The following DGKB variants were observed in gnomAD, a reference collection of about 807,000 sequenced individuals.
The protein encoded by DGKB is diacylglycerol kinase beta.
In DGKB, 67 loss-of-function variants were observed where a neutral mutation model predicts 114.3. The ratio of observed to expected loss-of-function variants is 0.59; its 90% CI spans 0.48 to 0.72. The LOEUF (loss-of-function observed/expected upper bound fraction) is 0.72, where lower values mean the gene tolerates loss of function less well. Ranked by LOEUF, DGKB falls within the 30% of genes least tolerant of loss-of-function variation. DGKB has a pLI of 0.00. For missense variants in DGKB, 907 were observed against 975.2 expected, an observed-to-expected ratio of 0.93 and a Z score of 0.93; for synonymous variants, 398 against 323.1, an observed-to-expected ratio of 1.23 and a Z score of -2.49.
At chr7:14,164,296 A>G (rs1369933809) in intron 25 of DGKB, among the ~76,000 whole-genome samples, 15 of 152,186 alleles carry the variant, frequency 9.9e-5, no homozygotes, top group Admixed American at 9.8e-4. Flanking sequence ...AAGATTCTTT[A>G]AAAACGGTGT....
chr7:14,647,251 T>C (rs1813226105), intron 13 of DGKB, among the ~76,000 whole-genome samples: 1 of 151,832 alleles, frequency 6.6e-6, no homozygotes, highest in South Asian at 2.1e-4. Context: ...CCTGCCAAAA[T>C]TGAACCAAGA....
At position 14,161,060 on chromosome 7, in the gene DGKB, A is replaced by G. The variant is rs190680837; in HGVS notation, c.2305-11822T>C. Among the ~76,000 whole-genome samples, 70 of 152,352 alleles carry G rather than the reference A, an allele frequency of 4.6e-4. No homozygotes were observed. The East Asian group carries it at 0.012, about 27-fold the overall frequency. ...TATGCAGCCAACACACATATGAGAA[A>G]AAGCTCATCATCACTGGTCATTAGA... On this transcript the variant is annotated intron_variant, in intron 25 of 25. Transcript: ENST00000402815.
At chr7:14,544,861 C>G (rs1440141107) in intron 20 of DGKB, among the ~76,000 whole-genome samples, 2 of 152,018 alleles carry the variant, frequency 1.3e-5, no homozygotes, top group African/African-American at 4.8e-5. Flanking sequence ...CTGTGTTTTT[C>G]CCCTGTAAGT....
chr7:14,741,450 G>A (rs1009956395), intron 4 of DGKB, among the ~76,000 whole-genome samples: 40 of 152,288 alleles, frequency 2.6e-4, no homozygotes, highest in Middle Eastern at 3.4e-3. Context: ...ATGGGATAAG[G>A]ACCTAGGACC....
intron 6 of DGKB, among the ~76,000 whole-genome samples, chr7:14,709,006 A>G (rs1826826175): frequency 1.3e-5 from 2 of 149,124 alleles, no homozygotes; most frequent in African/African-American, 5.0e-5. Context: ...AGCAAAAGAA[A>G]CTACCATCAG....
chr7:14,713,848 T>C (rs1388506713), intron 6 of DGKB, among the ~76,000 whole-genome samples: 1 of 152,008 alleles, frequency 6.6e-6, no homozygotes, highest in African/African-American at 2.4e-5. Flanking sequence ...TTTAAGGAAA[T>C]GTAAGATAAT....
intron 20 of DGKB, among the ~76,000 whole-genome samples, chr7:14,556,470 A>G (rs1795887653): frequency 6.6e-6 from 1 of 152,118 alleles, no homozygotes; most frequent in African/African-American, 2.4e-5. Flanking sequence ...GTTCACTTTT[A>G]AAAATTTGTT....
At chr7:14,559,294 C>T (rs1253801830) in intron 20 of DGKB, among the ~76,000 whole-genome samples, 1 of 152,160 alleles carries the variant, frequency 6.6e-6, no homozygotes, top group Non-Finnish European at 1.5e-5. Flanking sequence ...AAGAATCTCT[C>T]CCTATGCACT....
intron 1 of DGKB, among the ~76,000 whole-genome samples, chr7:14,941,458 T>C (rs1163706271): frequency 6.6e-6 from 1 of 152,110 alleles, no homozygotes; most frequent in Non-Finnish European, 1.5e-5. Flanking sequence ...TTAAGATTGT[T>C]ATCCTGAGGT....
rs1173639004 is a variant in DGKB, at chr7:14,338,678, G to A, written c.1959C>T (p.Ile653=). Residue 653 remains isoleucine, a synonymous_variant, in exon 23 of 26, where the codon ATC becomes ATT. Coordinates refer to ENST00000402815, the MANE Select transcript of DGKB (RefSeq NM_001350709.2). The part of the protein sequence containing the change: ...CDGVQIDLIN[I]SLEGIAILNI... ...TCAAAATAGCAATTCCTTCCAGAGAGATGTTTATTAAATCTATCTGTACTC... is the reference window on the plus strand; with the variant it reads ...TCAAAATAGCAATTCCTTCCAGAGAAATGTTTATTAAATCTATCTGTACTC... The A allele has an allele frequency of 6.3e-7, 1 of 1,588,534 alleles. No homozygotes were observed. The highest frequency in any genetic ancestry group is 2.3e-5 in the East Asian group (1 of 43,898).
chr7:14,542,833 C>T (rs1031580161), intron 20 of DGKB, among the ~76,000 whole-genome samples: 2 of 152,096 alleles, frequency 1.3e-5, no homozygotes, highest in Non-Finnish European at 2.9e-5. Flanking sequence ...AAATAAAATG[C>T]CCTATCTCTA....
intron 6 of DGKB, among the ~76,000 whole-genome samples, chr7:14,705,868 A>C (rs1326368248): frequency 6.6e-6 from 1 of 152,172 alleles, no homozygotes; most frequent in Non-Finnish European, 1.5e-5. Context: ...ATCATGCCAA[A>C]ATGTAAAGAC....
At chr7:14,257,899 G>C (rs1034417295) in intron 23 of DGKB, among the ~76,000 whole-genome samples, 6 of 151,964 alleles carry the variant, frequency 3.9e-5, no homozygotes, top group African/African-American at 1.2e-4. Flanking sequence ...GCTAATTTTT[G>C]TATTTTTTAA....
At chr7:14,625,562 C>T (rs1808426633) in intron 14 of DGKB, among the ~76,000 whole-genome samples, 1 of 152,088 alleles carries the variant, frequency 6.6e-6, no homozygotes, top group African/African-American at 2.4e-5. Context: ...CACAATCATT[C>T]AGGATAAAAT....
At chr7:14,194,084 T>G (rs893473857) in intron 23 of DGKB, among the ~76,000 whole-genome samples, 1 of 152,126 alleles carries the variant, frequency 6.6e-6, no homozygotes, top group Admixed American at 6.6e-5. Flanking sequence ...TGGGAACACT[T>G]ATATGCTGTT....
chr7:14,360,144 T>C (rs929520950), intron 21 of DGKB, among the ~76,000 whole-genome samples: 1 of 151,976 alleles, frequency 6.6e-6, no homozygotes, highest in Non-Finnish European at 1.5e-5. Context: ...TAAAAAAGGA[T>C]GAGTTCATGT....
chr7:14,842,214 TTG>T (rs1471367407), intron 1 of DGKB, among the ~76,000 whole-genome samples: 2 of 152,230 alleles, frequency 1.3e-5, no homozygotes, highest in Non-Finnish European at 2.9e-5. Flanking sequence ...ATTGTAATCA[TTG>T]CAAGGTTTAT....
At chr7:14,920,832 A>G (rs539051760) in intron 1 of DGKB, among the ~76,000 whole-genome samples, 117 of 151,606 alleles carry the variant, frequency 7.7e-4, no homozygotes, top group Non-Finnish European at 1.5e-3. Flanking sequence ...GAAATGAGCT[A>G]TGAAGCCAAG....
intron 4 of DGKB, among the ~76,000 whole-genome samples, chr7:14,744,964 G>C (rs796357412): frequency 6.6e-5 from 10 of 152,240 alleles, no homozygotes; most frequent in African/African-American, 2.4e-4. Context: ...TTTTAATTCT[G>C]AGCAGTTATC....
Sources: allele counts gnomAD v4.1 joint callset (sites outside exome capture counted in the v4.1 genomes callset), GRCh38; gene constraint gnomAD v4.1.1; transcripts MANE v1.5; gene names NCBI Gene and HGNC (gene_info 2026-07-23, HGNC 2026-07-21).